The following ZNF804B variants were observed in gnomAD, a reference collection of about 807,000 sequenced individuals.
ZNF804B encodes the protein zinc finger 804B.
A neutral mutation model predicts 101.4 loss-of-function variants in ZNF804B; 80 were observed. That is an observed-to-expected ratio of 0.79 (90% CI 0.66 to 0.95). ZNF804B has a LOEUF of 0.95. Ranked by LOEUF, ZNF804B falls within the 40% of genes least tolerant of loss-of-function variation. ZNF804B has a pLI of 0.00. For missense variants in ZNF804B, 1,673 were observed against 1,561.9 expected (o/e 1.07, Z -1.20); for synonymous variants, 622 against 558.8 (o/e 1.11, Z -1.59).
chr7:88,775,271 T>C (rs1383716072), intron 1 of ZNF804B, among the ~76,000 whole-genome samples: 1 of 152,166 alleles, frequency 6.6e-6, no homozygotes, highest in Non-Finnish European at 1.5e-5. Context: ...GGAGGAGCTA[T>C]TTTGGCATAG....
At chr7:89,280,220 G>C (rs1790067572) in intron 2 of ZNF804B, among the ~76,000 whole-genome samples, 1 of 151,852 alleles carries the variant, frequency 6.6e-6, no homozygotes, top group African/African-American at 2.4e-5. Flanking sequence ...TGAGAACAAA[G>C]ACACAACATA....
rs113876705 is a variant in ZNF804B at position 89,256,557 on chromosome 7, G to T, written c.249+38262G>T. On this transcript the variant is annotated intron_variant, in intron 2 of 3. Transcript: ENST00000333190. ...AAGACTGTCAAAAAAAAAAAAAAGT[G>T]GACTAGTTATACATTCAAATACTGT... 7.6e-3 allele frequency among the ~76,000 whole-genome samples: 1,137 copies of T among 149,998 alleles called. 13 individuals are homozygous for T. Among genetic ancestry groups the T allele is most frequent in the African/African-American group, 0.026 (1,086 of 41,026 alleles).
chr7:89,135,596 G>T (rs751893366), intron 1 of ZNF804B, among the ~76,000 whole-genome samples: 8 of 150,716 alleles, frequency 5.3e-5, no homozygotes, highest in Non-Finnish European at 7.4e-5. Context: ...GCCATTAGAT[G>T]TGTACATACT....
At chr7:89,095,510 G>T (rs1426346270) in intron 1 of ZNF804B, among the ~76,000 whole-genome samples, 1 of 152,154 alleles carries the variant, frequency 6.6e-6, no homozygotes, top group Admixed American at 6.5e-5. Context: ...TCTGAACCTT[G>T]TCTGGCATTT....
chr7:88,990,894 A>G (rs535965974), intron 1 of ZNF804B, among the ~76,000 whole-genome samples: 16 of 152,248 alleles, frequency 1.1e-4, no homozygotes, highest in African/African-American at 3.8e-4. Context: ...TATGATAAAT[A>G]TATTTTGGCT....
intron 1 of ZNF804B, among the ~76,000 whole-genome samples, chr7:88,941,704 G>A (rs909899271): frequency 6.6e-6 from 1 of 151,800 alleles, no homozygotes; most frequent in Admixed American, 6.6e-5. Context: ...TTATACATTC[G>A]TCAAAATCCA....
chr7:88,859,806 A>G (rs1203188946), intron 1 of ZNF804B, among the ~76,000 whole-genome samples: 2 of 151,940 alleles, frequency 1.3e-5, no homozygotes, highest in Admixed American at 6.6e-5. Context: ...CTAATATTAT[A>G]TAATAGATAT....
At chr7:89,286,399 T>C (rs11761506) in intron 2 of ZNF804B, among the ~76,000 whole-genome samples, 6,287 of 152,280 alleles carry the variant, frequency 0.041, 142 homozygotes, top group Non-Finnish European at 0.049. Flanking sequence ...CCATCATTGT[T>C]ATAGAAAAAG....
chr7:89,286,268 C>A (rs982596514), intron 2 of ZNF804B, among the ~76,000 whole-genome samples: 2 of 151,264 alleles, frequency 1.3e-5, no homozygotes, highest in African/African-American at 4.9e-5. Flanking sequence ...GGACAAAGTG[C>A]AATTCTGTCT....
At chr7:89,190,131 C>T (rs1788432396) in intron 1 of ZNF804B, among the ~76,000 whole-genome samples, 1 of 151,722 alleles carries the variant, frequency 6.6e-6, no homozygotes, top group Non-Finnish European at 1.5e-5. Context: ...GTTTTAATAG[C>T]AAGAAAACAG....
chr7:88,770,003 T>C (rs888517316), intron 1 of ZNF804B, among the ~76,000 whole-genome samples: 6 of 152,346 alleles, frequency 3.9e-5, no homozygotes, highest in Non-Finnish European at 8.8e-5. Flanking sequence ...TTTATTTTTA[T>C]GGTCAGTTTC....
At chr7:89,252,499 G>C (rs1789557323) in intron 2 of ZNF804B, among the ~76,000 whole-genome samples, 1 of 152,012 alleles carries the variant, frequency 6.6e-6, no homozygotes, top group Non-Finnish European at 1.5e-5. Context: ...CTTAAAACAG[G>C]ACTACCATTT....
intron 1 of ZNF804B, among the ~76,000 whole-genome samples, chr7:88,867,699 TG>T (rs1791751709): frequency 6.6e-6 from 1 of 152,174 alleles, no homozygotes; most frequent in East Asian, 1.9e-4. Context: ...AACAATATGT[TG>T]AAAATAATGT....
intron 1 of ZNF804B, among the ~76,000 whole-genome samples, chr7:89,081,292 G>C (rs1323553243): frequency 6.6e-6 from 1 of 151,858 alleles, no homozygotes; most frequent in Non-Finnish European, 1.5e-5. Flanking sequence ...GGCAGGGTAA[G>C]TACTGAACAG....
chr7:89,171,356 T>TTCC (rs145019098), intron 1 of ZNF804B, among the ~76,000 whole-genome samples: 21 of 99,350 alleles, frequency 2.1e-4, no homozygotes, highest in Admixed American at 2.9e-4. Context: ...CTTCTTCTTC[T>TTCC]TCCTCCTCTT....
intron 1 of ZNF804B, among the ~76,000 whole-genome samples, chr7:89,024,739 C>A (rs926708181): frequency 8.0e-5 from 12 of 149,184 alleles, no homozygotes; most frequent in African/African-American, 2.7e-4. Flanking sequence ...TGGCTGATAC[C>A]ACATTCCATG....
chr7:88,803,701 G>GA, intron 1 of ZNF804B, among the ~76,000 whole-genome samples: 2 of 152,150 alleles, frequency 1.3e-5, no homozygotes, highest in Non-Finnish European at 2.9e-5. Context: ...AGTTTGTGTA[G>GA]ATTATCTTGA....
Position 89,201,107 on chromosome 7 carries a change from AT to A in ZNF804B, c.109-17041del, listed in dbSNP as rs1044581333. ...TAGTTGTTTCTTATCAATGAAAGTT[AT>A]TTTTTTCATTTTATATTACAGAAGA... is the stretch of plus-strand genomic sequence containing the variant. On this transcript the variant is annotated intron_variant, in intron 1 of 3. Transcript: ENST00000333190. Among the ~76,000 whole-genome samples, 34 of 151,946 alleles carry A rather than the reference AT, an allele frequency of 2.2e-4. No homozygotes were observed. The East Asian group carries it at 5.2e-3, about 23-fold the overall frequency.
At chr7:88,848,645 A>AC (rs1170556639) in intron 1 of ZNF804B, among the ~76,000 whole-genome samples, 2 of 149,992 alleles carry the variant, frequency 1.3e-5, no homozygotes, top group African/African-American at 4.9e-5. Context: ...TTTTTAAAAA[A>AC]CGTGTCTAGT....
Sources: allele counts gnomAD v4.1 joint callset (sites outside exome capture counted in the v4.1 genomes callset), GRCh38; gene constraint gnomAD v4.1.1; transcripts MANE v1.5; gene names NCBI Gene and HGNC (gene_info 2026-07-23, HGNC 2026-07-21).